Variants in PLXNC1 observed in about 807,000 individuals in gnomAD.
PLXNC1 encodes plexin C1.
Under a neutral mutation model 178.2 loss-of-function variants are expected in PLXNC1, and 75 were observed. The ratio of observed to expected loss-of-function variants is 0.42; its 90% confidence interval spans 0.35 to 0.51. PLXNC1 has a LOEUF of 0.51. Among genes scored for constraint, PLXNC1 ranks in the 20% least tolerant of loss-of-function variants. PLXNC1 has a pLI of 0.02. For synonymous variants in PLXNC1, 790 were observed against 779.9 expected (o/e 1.01, Z -0.22); for missense variants, 1,503 against 1,984.4 (o/e 0.76, Z 4.61).
chr12:94,217,981 G>A (rs922819533), intron 5 of PLXNC1, among the ~76,000 whole-genome samples: 4 of 152,228 alleles, frequency 2.6e-5, no homozygotes, highest in African/African-American at 9.6e-5. Flanking sequence ...GAACTAGAAG[G>A]AAATGTGGAA....
At position 94,248,714 on chromosome 12, in the gene PLXNC1, A is replaced by G. The variant is rs555672242; in HGVS notation, c.2778+302A>G. Reference sequence around the variant, plus strand: ...AGTAGGATCGGCAAGCAAAATCTCTAGACCCATTGACAAATGAGCTGTCAC... The same window carrying G: ...AGTAGGATCGGCAAGCAAAATCTCTGGACCCATTGACAAATGAGCTGTCAC... On this transcript the variant is annotated intron_variant, in intron 14 of 30. Coordinates refer to ENST00000258526, the MANE Select transcript of PLXNC1 (RefSeq NM_005761.3). Among the ~76,000 whole-genome samples, 8 of 152,318 alleles carry G rather than the reference A, an allele frequency of 5.3e-5. No homozygotes were observed. In the South Asian group the frequency reaches 1.7e-3, roughly 32 times the overall value.
At chr12:94,172,655 G>A (rs956853504) in intron 2 of PLXNC1, among the ~76,000 whole-genome samples, 5 of 151,992 alleles carry the variant, frequency 3.3e-5, no homozygotes, top group African/African-American at 1.2e-4. Flanking sequence ...CAGTTAGTGA[G>A]GGAAAATGCT....
intron 23 of PLXNC1, among the ~76,000 whole-genome samples, chr12:94,283,174 A>G (rs1053594389): frequency 2.0e-5 from 3 of 152,336 alleles, no homozygotes; most frequent in African/African-American, 4.8e-5. Context: ...CGGAGAGACA[A>G]GTAGAGTCAA....
chr12:94,177,287 T>C (rs527665681), intron 2 of PLXNC1, among the ~76,000 whole-genome samples: 1 of 145,238 alleles, frequency 6.9e-6, no homozygotes, highest in East Asian at 2.0e-4. Context: ...GGTCCAAGGG[T>C]ATGTCCTTTG....
intron 9 of PLXNC1, among the ~76,000 whole-genome samples, chr12:94,231,319 A>T (rs1271739208): frequency 6.6e-6 from 1 of 152,164 alleles, no homozygotes; most frequent in Non-Finnish European, 1.5e-5. Flanking sequence ...AGAAGATTCC[A>T]GGACACACGC....
At position 94,302,031 on chromosome 12, in the gene PLXNC1, C is replaced by T. The variant is rs1458980681; in HGVS notation, c.4386+974C>T. 4.6e-5 allele frequency among the ~76,000 whole-genome samples: 7 copies of T among 152,192 alleles called. No individual in the cohort carries two copies. The East Asian group carries it at 1.3e-3, about 29-fold the overall frequency. Reference sequence around the variant, plus strand: ...TGCTTCCTAATTGGTGTCCTTGCCCCTGCTGTCCACCTTTCCTTCTAAACT... The same window carrying T: ...TGCTTCCTAATTGGTGTCCTTGCCCTTGCTGTCCACCTTTCCTTCTAAACT... On this transcript the variant is annotated intron_variant, in intron 28 of 30. Transcript: ENST00000258526.
chr12:94,150,212 G>A (rs1258361772), intron 1 of PLXNC1, among the ~76,000 whole-genome samples, 179 bp downstream of exon 1: 1 of 152,162 alleles, frequency 6.6e-6, no homozygotes, highest in Non-Finnish European at 1.5e-5. Context: ...CGGTCCCCGA[G>A]ACCTGGAGCA....
chr12:94,188,827 G>C (rs1371636457), intron 4 of PLXNC1, among the ~76,000 whole-genome samples: 2 of 152,254 alleles, frequency 1.3e-5, no homozygotes, highest in Non-Finnish European at 2.9e-5. Context: ...ACCCTCAGTG[G>C]TAGGAGGGAA....
rs1160017485 is a variant in PLXNC1, at chr12:94,251,515, G to A, written c.2868G>A (p.Val956=). 1 of 1,605,826 alleles carries A rather than the reference G, an allele frequency of 6.2e-7. No homozygotes were observed. Among genetic ancestry groups the A allele is most frequent in the South Asian group, 1.1e-5 (1 of 90,924 alleles). The change falls in exon 15 of 31, where the codon GTG becomes GTA. Residue 956 remains valine, a synonymous_variant. Coordinates refer to ENST00000258526, the MANE Select transcript of PLXNC1 (RefSeq NM_005761.3). ...TGATTGTGCTCCCTGTCTTGCTAGT[G>A]ATTGTCATTTTTGGTAAGTGCCCTG... ...YFLIVLPVLL[V]IVIFAAVGVT...
chr12:94,199,184 G>A (rs1343480791), intron 4 of PLXNC1, among the ~76,000 whole-genome samples: 4 of 152,188 alleles, frequency 2.6e-5, no homozygotes, highest in African/African-American at 4.8e-5. Flanking sequence ...GGGGCTATCC[G>A]CCTTCATGGG....
At chr12:94,287,209 C>T (rs903588074) in intron 23 of PLXNC1, among the ~76,000 whole-genome samples, 23 of 152,228 alleles carry the variant, frequency 1.5e-4, no homozygotes, top group East Asian at 3.8e-4. Flanking sequence ...AAGGGTTAAG[C>T]GTGTCTTTAC....
chr12:94,266,987 G>T (rs910390105), intron 21 of PLXNC1, among the ~76,000 whole-genome samples: 5 of 152,244 alleles, frequency 3.3e-5, no homozygotes, highest in African/African-American at 1.2e-4. Flanking sequence ...AGATATCTCT[G>T]ATGTGTGTTC....
chr12:94,243,614 G>A (rs1964449826), intron 11 of PLXNC1, among the ~76,000 whole-genome samples: 1 of 152,140 alleles, frequency 6.6e-6, no homozygotes, highest in Non-Finnish European at 1.5e-5. Flanking sequence ...CCTTTTCAAG[G>A]TACAGCTCCT....
intron 1 of PLXNC1, among the ~76,000 whole-genome samples, chr12:94,153,315 G>A (rs1198170358): frequency 6.6e-6 from 1 of 152,224 alleles, no homozygotes; most frequent in African/African-American, 2.4e-5. Flanking sequence ...ACCTCCCCTA[G>A]GATGTGGGGT....
At chr12:94,214,451 A>G (rs1283103311) in intron 5 of PLXNC1, among the ~76,000 whole-genome samples, 2 of 152,218 alleles carry the variant, frequency 1.3e-5, no homozygotes, top group Admixed American at 1.3e-4. Context: ...TACTGTTGAC[A>G]TTATTTGTAA....
intron 16 of PLXNC1, 50 bp downstream of exon 16, chr12:94,254,938 C>A: frequency 7.0e-7 from 1 of 1,424,024 alleles, no homozygotes; most frequent in Admixed American, 2.0e-5. Context: ...TATATTTATA[C>A]TTTTATTTTT....
chr12:94,252,584 A>C (rs1252028222), intron 15 of PLXNC1, among the ~76,000 whole-genome samples: 1 of 152,202 alleles, frequency 6.6e-6, no homozygotes, highest in African/African-American at 2.4e-5. Flanking sequence ...GCATTGTCTA[A>C]AACTATTAAG....
intron 2 of PLXNC1, among the ~76,000 whole-genome samples, chr12:94,173,097 C>T (rs1592731043): frequency 6.6e-6 from 1 of 152,280 alleles, no homozygotes; most frequent in East Asian, 1.9e-4. Context: ...AACATGATTG[C>T]ATGCCGGGTT....
At chr12:94,166,626 A>G (rs1251500815) in intron 1 of PLXNC1, among the ~76,000 whole-genome samples, 1 of 151,782 alleles carries the variant, frequency 6.6e-6, no homozygotes, top group African/African-American at 2.4e-5. Flanking sequence ...GCCTTATTAG[A>G]TACTAGAAAG....
Sources: gnomAD v4.1 joint callset for allele counts (sites outside exome capture counted in the v4.1 genomes callset) on GRCh38, gnomAD v4.1.1 for gene constraint, MANE v1.5 for transcripts, NCBI Gene and HGNC (gene_info 2026-07-23, HGNC 2026-07-21) for gene names.